CACNA2D1: variants seen among roughly 807,000 people sequenced by gnomAD.
CACNA2D1 encodes the protein calcium voltage-gated channel auxiliary subunit alpha2delta 1.
A neutral mutation model predicts 171.5 loss-of-function variants in CACNA2D1; 53 were observed. The observed-to-expected ratio is 0.31, with a 90% CI of 0.25 to 0.39. The LOEUF (loss-of-function observed/expected upper bound fraction) is 0.39, where lower values mean the gene tolerates loss of function less well. Among genes scored for constraint, CACNA2D1 ranks in the 10% least tolerant of loss-of-function variants. The probability of loss-of-function intolerance (pLI) is 1.00; values close to 1 mark genes in which losing one functional copy is unlikely to be tolerated. For missense variants in CACNA2D1, 903 were observed against 1,299.8 expected, an observed-to-expected ratio of 0.69 and a Z score of 4.69; for synonymous variants, 442 against 443.1, an observed-to-expected ratio of 1.00 and a Z score of 0.03.
At chr7:82,290,039 G>C (rs1367096499) in intron 3 of CACNA2D1, among the ~76,000 whole-genome samples, 1 of 152,202 alleles carries the variant, frequency 6.6e-6, no homozygotes, top group Non-Finnish European at 1.5e-5. Flanking sequence ...AAAGCAGAGA[G>C]AGGCTAGAAG....
intron 19 of CACNA2D1, among the ~76,000 whole-genome samples, chr7:81,995,834 A>G (rs1314164997): frequency 6.6e-6 from 1 of 150,978 alleles, no homozygotes; most frequent in Non-Finnish European, 1.5e-5. Context: ...AGGTTACATT[A>G]TCCACTAAAT....
chr7:82,291,733 G>T (rs1358622069), intron 3 of CACNA2D1, among the ~76,000 whole-genome samples: 1 of 148,446 alleles, frequency 6.7e-6, no homozygotes, highest in Non-Finnish European at 1.5e-5. Flanking sequence ...TCAAATTCCT[G>T]GGCTCTGGTG....
intron 10 of CACNA2D1, among the ~76,000 whole-genome samples, chr7:82,057,876 T>C (rs1032900550): frequency 2.6e-5 from 4 of 152,122 alleles, no homozygotes; most frequent in Non-Finnish European, 5.9e-5. Flanking sequence ...GTATGAATTA[T>C]GTCCTTGGTT....
At chr7:82,309,797 A>G (rs1814203027) in intron 3 of CACNA2D1, among the ~76,000 whole-genome samples, 2 of 152,146 alleles carry the variant, frequency 1.3e-5, no homozygotes, top group South Asian at 2.1e-4. Context: ...AACCTGGTAT[A>G]TGGATCCAGG....
intron 3 of CACNA2D1, among the ~76,000 whole-genome samples, chr7:82,188,342 A>G (rs1797971882): frequency 6.6e-6 from 1 of 152,170 alleles, no homozygotes; most frequent in Non-Finnish European, 1.5e-5. Context: ...GGAGACTGTA[A>G]TATCTGGTAG....
rs201927487 is a variant in CACNA2D1 at position 82,258,817 on chromosome 7, C to CTTTTTTTTTTTTTTTTTTTTTTT, written c.294+76317_294+76318insAAAAAAAAAAAAAAAAAAAAAAA. Among the ~76,000 whole-genome samples, 23 of 72,624 alleles carry CTTTTTTTTTTTTTTTTTTTTTTT rather than the reference C, an allele frequency of 3.2e-4. 1 individual carries two copies. The highest frequency in any genetic ancestry group is 5.1e-4 in the Admixed American group (3 of 5,868). 47.6% of individuals were successfully genotyped at this position (72,624 alleles called of 152,430 possible). On this transcript the variant is annotated intron_variant, in intron 3 of 38. Coordinates refer to ENST00000356860, the MANE Select transcript of CACNA2D1 (RefSeq NM_000722.4). ...ATTTCTTTCTTTCTTTCTTACTTTT[C>CTTTTTTTTTTTTTTTTTTTTTTT]TTTTTTTTTTTTTTTTTTTTTTGAG...
chr7:82,093,756 T>A (rs1306946856), intron 6 of CACNA2D1, among the ~76,000 whole-genome samples: 2 of 152,010 alleles, frequency 1.3e-5, no homozygotes, highest in African/African-American at 4.8e-5. Flanking sequence ...AGAAATGAAA[T>A]TATATCAGGT....
At chr7:82,186,353 C>A (rs147230259) in intron 3 of CACNA2D1, among the ~76,000 whole-genome samples, 1 of 152,026 alleles carries the variant, frequency 6.6e-6, no homozygotes, top group African/African-American at 2.4e-5. Flanking sequence ...CTCTTAAATA[C>A]GCCCCCTGAT....
intron 3 of CACNA2D1, among the ~76,000 whole-genome samples, chr7:82,312,671 C>G (rs2129433779): frequency 6.6e-6 from 1 of 151,476 alleles, no homozygotes; most frequent in Non-Finnish European, 1.5e-5. Flanking sequence ...TGTGCACTAC[C>G]ATGCCCAGCT....
intron 2 of CACNA2D1, among the ~76,000 whole-genome samples, chr7:82,336,017 G>A (rs896593141): frequency 6.6e-6 from 1 of 152,132 alleles, no homozygotes; most frequent in Non-Finnish European, 1.5e-5. Flanking sequence ...TTAAAGAAAG[G>A]GGGGTTGGAG....
In CACNA2D1 at chr7:81,968,935, T is replaced by C; in HGVS notation, c.2347A>G (p.Ser783Gly). Reference sequence around the variant, plus strand: ...TGAATATATATTTCTACAGCTTTGCTTACCATAATGCCCGATTCATAGGCA... The same window carrying C: ...TGAATATATATTTCTACAGCTTTGCCTACCATAATGCCCGATTCATAGGCA... Reference protein sequence around the residue: ...PGAYESGIMVSKAVEIYIQGK... With the variant: ...PGAYESGIMVGKAVEIYIQGK... Residue 783 changes from serine to glycine, a missense_variant, in exon 29 of 39, where the codon AGC becomes GGC. By Grantham distance (56) the Ser-to-Gly change is moderately conservative. Transcript: ENST00000356860. 1 of 1,596,314 alleles carries C rather than the reference T, an allele frequency of 6.3e-7. No individual in the cohort carries two copies. The highest frequency in any genetic ancestry group is 8.6e-7 in the Non-Finnish European group (1 of 1,165,756).
intron 3 of CACNA2D1, among the ~76,000 whole-genome samples, chr7:82,183,193 G>A (rs989844509): frequency 2.0e-5 from 3 of 152,040 alleles, no homozygotes; most frequent in Non-Finnish European, 4.4e-5. Context: ...TCCCTAGAGT[G>A]TTTATCATTA....
intron 3 of CACNA2D1, among the ~76,000 whole-genome samples, chr7:82,261,181 C>A (rs1395593041): frequency 6.6e-6 from 1 of 152,104 alleles, no homozygotes; most frequent in Non-Finnish European, 1.5e-5. Context: ...TCTTGAACTC[C>A]CGACCTCAAG....
At chr7:82,135,228 A>T (rs1297047293) in intron 5 of CACNA2D1, among the ~76,000 whole-genome samples, 1 of 152,098 alleles carries the variant, frequency 6.6e-6, no homozygotes, top group African/African-American at 2.4e-5. Context: ...GTTGCAATTT[A>T]TGTACCAGGA....
chr7:81,989,117 A>G (rs1035140714), intron 21 of CACNA2D1, among the ~76,000 whole-genome samples: 3 of 152,216 alleles, frequency 2.0e-5, no homozygotes, highest in African/African-American at 7.2e-5. Context: ...AAGTAATTTC[A>G]TATACAAAAG....
intron 2 of CACNA2D1, among the ~76,000 whole-genome samples, chr7:82,348,838 T>C (rs1191228533): frequency 6.6e-6 from 1 of 152,216 alleles, no homozygotes; most frequent in Non-Finnish European, 1.5e-5. Context: ...TTTTCAAATG[T>C]ATTATTTACA....
intron 10 of CACNA2D1, among the ~76,000 whole-genome samples, chr7:82,044,767 C>A (rs1804356858): frequency 6.6e-6 from 1 of 152,062 alleles, no homozygotes; most frequent in Admixed American, 6.6e-5. Flanking sequence ...GTTTTATGTA[C>A]TTATTCCTAT....
At chr7:81,951,970 T>TTTTTTTTTTTTTTTGGTG (rs1554321659) in intron 38 of CACNA2D1, among the ~76,000 whole-genome samples, 1 of 23,960 alleles carries the variant, frequency 4.2e-5, no homozygotes, top group Non-Finnish European at 7.7e-5. Context: ...GTACAAAGTG[T>TTTTTTTTTTTTTTTGGTG]TTTTTTTTTT....
At chr7:82,219,659 T>C (rs1801540368) in intron 3 of CACNA2D1, among the ~76,000 whole-genome samples, 5 of 152,110 alleles carry the variant, frequency 3.3e-5, no homozygotes, top group Admixed American at 3.3e-4. Context: ...TTCTGAAAAG[T>C]TTAATAAACT....
Sources: gnomAD v4.1 joint callset for allele counts (sites outside exome capture counted in the v4.1 genomes callset) on GRCh38, gnomAD v4.1.1 for gene constraint, MANE v1.5 for transcripts, NCBI Gene and HGNC (gene_info 2026-07-23, HGNC 2026-07-21) for gene names.